Variants in ACAN observed in about 807,000 individuals in gnomAD.
The protein encoded by ACAN is aggrecan.
ACAN carries 47 observed loss-of-function variants against 169.1 expected under a neutral mutation model. The observed-to-expected ratio is 0.28, with a 90% CI of 0.22 to 0.35. The LOEUF (loss-of-function observed/expected upper bound fraction) is 0.35, where lower values mean the gene tolerates loss of function less well. Ranked by LOEUF, ACAN falls within the 10% of genes least tolerant of loss-of-function variation. ACAN has a pLI of 1.00. For synonymous variants in ACAN, 1,115 were observed against 1,112.2 expected (o/e 1.00, Z -0.05); for missense variants, 2,716 against 2,759.9 (o/e 0.98, Z 0.36).
In ACAN at chr15:88,866,398, C is replaced by T. The variant is rs1897281086; in HGVS notation, c.6947-1818C>T. Among the ~76,000 whole-genome samples the T allele has an allele frequency of 6.6e-6, 1 of 152,150 alleles. No individual in the cohort carries two copies. Among genetic ancestry groups the T allele is most frequent in the African/African-American group, 2.4e-5 (1 of 41,420 alleles). ...AAAAGAGAACAGGCAGGAGAGCCGCCCCCAGCTTCCGCCCTGCCGACTGGC... is the reference window on the plus strand; with the variant it reads ...AAAAGAGAACAGGCAGGAGAGCCGCTCCCAGCTTCCGCCCTGCCGACTGGC... On this transcript the variant is annotated intron_variant, in intron 13 of 18. Transcript: ENST00000560601. The surrounding 1 kb of genome is among the most constrained non-coding windows in gnomAD (Gnocchi z 5.6).
At chr15:88,850,167 A>G (rs557689992) in intron 10 of ACAN, 1 of 388,734 alleles carries the variant, frequency 2.6e-6, no homozygotes, top group East Asian at 4.3e-5. Flanking sequence ...ACATATCTAT[A>G]TGTAAAGCTG....
Position 88,858,040 on chromosome 15 carries a change from A to G in ACAN, c.5455A>G (p.Thr1819Ala), listed in dbSNP as rs759095494. 6 of 1,613,868 alleles carry G rather than the reference A, an allele frequency of 3.7e-6. No homozygotes were observed. Among genetic ancestry groups the G allele is most frequent in the Non-Finnish European group, 3.4e-6 (4 of 1,179,902 alleles). Reference protein sequence around the residue: ...TSGVPDLVSGTTSGSGESSGI... With the variant: ...TSGVPDLVSGATSGSGESSGI... ...AGGAGTCCCTGACCTGGTTTCTGGT[A>G]CCACGAGTGGCAGCGGTGAATCTTC... Residue 1819 changes from threonine (T) to alanine (A), a missense_variant, in exon 12 of 19, where the codon ACC becomes GCC. Coordinates refer to ENST00000560601, the MANE Select transcript of ACAN (RefSeq NM_001369268.1). This position sits in a 1 kb window ranked among gnomAD's most constrained non-coding sequence, Gnocchi z 4.0.
In ACAN at chr15:88,874,886, C is replaced by T; in HGVS notation, c.*405C>T. 2.9e-6 allele frequency: 1 copy of T among 348,470 alleles called. No homozygotes were observed. Among genetic ancestry groups the T allele is most frequent in the Non-Finnish European group, 5.6e-6 (1 of 178,266 alleles). 21.6% of individuals were successfully genotyped at this position (348,470 alleles called of 1,614,324 possible). A position where few individuals can be genotyped will look rare whatever the true frequency, so the allele number is the denominator to read the frequency against. ...TTGGTTATTTCACCTCCAGGGAGAGCTAGGGAGGAGGGAGGAGGGCTCCAA... is the reference window on the plus strand; with the variant it reads ...TTGGTTATTTCACCTCCAGGGAGAGTTAGGGAGGAGGGAGGAGGGCTCCAA... On this transcript the variant is annotated 3_prime_UTR_variant, in exon 19 of 19. Transcript: ENST00000560601. The surrounding 1 kb of genome is among the most constrained non-coding windows in gnomAD (Gnocchi z 7.3).
chr15:88,854,869 CCTCCCA>C lies in ACAN; in HGVS notation c.2287_2292del (p.Pro763_Thr764del), dbSNP rs1471307083. On this transcript the variant is annotated inframe_deletion, in exon 12 of 19. Transcript: ENST00000560601. The stretch of plus-strand genomic sequence containing the variant: ...TCCTACAGGGATCCTTCCTACTTGG[CCTCCCA>C]CTGGCGCAGCAACAGAGGAAAGTAC... 1.3e-6 allele frequency: 2 copies of C among 1,495,942 alleles called. No homozygotes were observed. The highest frequency in any genetic ancestry group is 3.0e-5 in the South Asian group (2 of 67,730). The allele number at this position is 1,495,942 out of a possible 1,614,324, so 92.7% of individuals were successfully genotyped here.
At chr15:88,826,988 C>T (rs996894381) in intron 1 of ACAN, among the ~76,000 whole-genome samples, 6 of 152,188 alleles carry the variant, frequency 3.9e-5, no homozygotes, top group Non-Finnish European at 7.3e-5. Context: ...TCTAACCTCT[C>T]TGAGCCATTG....
chr15:88,806,493 T>C (rs1411008651), intron 1 of ACAN, among the ~76,000 whole-genome samples: 3 of 152,010 alleles, frequency 2.0e-5, no homozygotes, highest in Non-Finnish European at 2.9e-5. Context: ...CTGGGGTTAC[T>C]TGTGTACCAC....
intron 1 of ACAN, among the ~76,000 whole-genome samples, chr15:88,810,066 C>T (rs1895781028): frequency 6.6e-6 from 1 of 152,126 alleles, no homozygotes. Flanking sequence ...GTCACCACAG[C>T]GTCTTCTTCA....
Position 88,872,524 on chromosome 15 carries a change from G to A in ACAN, c.7303-357G>A, listed in dbSNP as rs921770983. Among the ~76,000 whole-genome samples, 6 of 152,112 alleles carry A rather than the reference G, an allele frequency of 3.9e-5. No individual in the cohort carries two copies. The highest frequency in any genetic ancestry group is 1.4e-4 in the African/African-American group (6 of 41,428). On this transcript the variant is annotated intron_variant, in intron 16 of 18. Transcript: ENST00000560601. The surrounding 1 kb of genome is among the most constrained non-coding windows in gnomAD (Gnocchi z 5.4). Reference sequence around the variant, plus strand: ...CTTGGTGGGCAGAAGCTGGACTTAAGAGCTGTGTTCCTACCATCCATCCCT... The same window carrying A: ...CTTGGTGGGCAGAAGCTGGACTTAAAAGCTGTGTTCCTACCATCCATCCCT...
intron 10 of ACAN, chr15:88,850,610 C>T (rs1365915852): frequency 6.6e-6 from 1 of 152,108 alleles, no homozygotes; most frequent in East Asian, 1.9e-4. Context: ...ACTTGAGTGT[C>T]CCCAAGTTTC....
intron 1 of ACAN, among the ~76,000 whole-genome samples, chr15:88,829,817 T>G (rs2141540030): frequency 6.6e-6 from 1 of 152,320 alleles, no homozygotes; most frequent in South Asian, 2.1e-4. Flanking sequence ...TCAAATACCA[T>G]TTTGTGTTAT....
intron 1 of ACAN, among the ~76,000 whole-genome samples, chr15:88,820,514 TTATTTA>T (rs1343228056): frequency 3.9e-5 from 6 of 152,212 alleles, no homozygotes. Context: ...GTTTCTAACT[TTATTTA>T]ATGCTACACC....
chr15:88,850,174 G>A, intron 10 of ACAN: 1 of 360,332 alleles, frequency 2.8e-6, no homozygotes, highest in Non-Finnish European at 5.0e-6. Flanking sequence ...TATATGTAAA[G>A]CTGTAATATA....
chr15:88,874,393 C>G lies in ACAN; in HGVS notation c.7631-12C>G. 1.3e-6 allele frequency: 2 copies of G among 1,594,536 alleles called. No homozygotes were observed. The highest frequency in any genetic ancestry group is 2.3e-5 in the South Asian group (2 of 87,528). ...GGTCCACTGATATCTTTCCATCTCC[C>G]TTTCGTCCTAGCCACCACCTACAAA... On this transcript the variant is annotated splice_polypyrimidine_tract_variant and intron_variant, in intron 18 of 18. Transcript: ENST00000560601. The surrounding 1 kb of genome is among the most constrained non-coding windows in gnomAD (Gnocchi z 7.3).
intron 1 of ACAN, among the ~76,000 whole-genome samples, chr15:88,835,125 C>T (rs556601088): frequency 1.3e-5 from 2 of 152,230 alleles, no homozygotes; most frequent in African/African-American, 4.8e-5. Flanking sequence ...AATATTAATC[C>T]GTTCATCCCA....
At position 88,849,151 on chromosome 15, in the gene ACAN, AGTT is replaced by A. The variant is rs1001389890; in HGVS notation, c.1733-281_1733-279del. Among the ~76,000 whole-genome samples the A allele has an allele frequency of 6.6e-6, 1 of 152,220 alleles. No individual in the cohort carries two copies. The highest frequency in any genetic ancestry group is 1.5e-5 in the Non-Finnish European group (1 of 68,046). On this transcript the variant is annotated intron_variant, in intron 9 of 18. Transcript: ENST00000560601. The surrounding 1 kb of genome is among the most constrained non-coding windows in gnomAD (Gnocchi z 5.1). Reference sequence around the variant, plus strand: ...ATCCAGAAAAGAGGGACGGAGGAGAAGTTGTTGTGGAAACAACTCAGCCCAGTT... The same window carrying A: ...ATCCAGAAAAGAGGGACGGAGGAGAAGTTGTGGAAACAACTCAGCCCAGTT...
In ACAN at chr15:88,839,877, G is replaced by A. The variant is rs2141566142; in HGVS notation, c.455-135G>A. On this transcript the variant is annotated intron_variant, in intron 3 of 18. Coordinates refer to ENST00000560601, the MANE Select transcript of ACAN (RefSeq NM_001369268.1). This position sits in a 1 kb window ranked among gnomAD's most constrained non-coding sequence, Gnocchi z 4.5. ...AAGGATCACGTGCAAAGGTGTACAG[G>A]GAGTCATGCATCAGCCCAGACCAGC... 2 of 992,956 alleles carry A rather than the reference G, an allele frequency of 2.0e-6. No individual in the cohort carries two copies. Among genetic ancestry groups the A allele is most frequent in the East Asian group, 2.6e-5 (1 of 37,844 alleles). The allele number at this position is 992,956 out of a possible 1,614,324, so 61.5% of individuals were successfully genotyped here.
chr15:88,860,302 C>A, intron 12 of ACAN, 24 bp from the exon 13 acceptor site: 1 of 1,556,890 alleles, frequency 6.4e-7, no homozygotes, highest in South Asian at 1.2e-5. Context: ...TCTTGATGCT[C>A]AACCTCTCCC....
chr15:88,803,723 C>G lies in ACAN; in HGVS notation c.-94C>G, dbSNP rs1201112923. The G allele has an allele frequency of 1.3e-5, 2 of 152,234 alleles. No homozygotes were observed. The highest frequency in any genetic ancestry group is 2.9e-5 in the Non-Finnish European group (2 of 68,124). The allele number at this position is 152,234 out of a possible 1,614,324, so 9.4% of individuals were successfully genotyped here. A position where few individuals can be genotyped will look rare whatever the true frequency, so the allele number is the denominator to read the frequency against. On this transcript the variant is annotated 5_prime_UTR_variant, in exon 1 of 19. Transcript: ENST00000560601. ...CGTCTCCCTCGCTACGCAGCGAGAC[C>G]CGGGCCTCCCGGCCCCAGGAGCCCC...
At chr15:88,864,751 TG>T in intron 13 of ACAN, among the ~76,000 whole-genome samples, 1 of 152,232 alleles carries the variant, frequency 6.6e-6, no homozygotes, top group Non-Finnish European at 1.5e-5. Flanking sequence ...AAATTTTATC[TG>T]TATTTCTTAA....
Sources: gnomAD v4.1 joint callset for allele counts (sites outside exome capture counted in the v4.1 genomes callset) on GRCh38, gnomAD v4.1.1 for gene constraint, Gnocchi (gnomAD v3.1) non-coding constraint, MANE v1.5 for transcripts, NCBI Gene and HGNC (gene_info 2026-07-23, HGNC 2026-07-21) for gene names.